FUNDC2: variants seen among roughly 807,000 people sequenced by gnomAD.
The protein encoded by FUNDC2 is FUN14 domain-containing protein 2.
FUNDC2 carries 4 observed loss-of-function variants against 15.6 expected under a neutral mutation model. That is an observed-to-expected ratio of 0.26 (90% confidence interval 0.13 to 0.59). The LOEUF (loss-of-function observed/expected upper bound fraction) is 0.59. Among genes scored for constraint, FUNDC2 ranks in the 20% least tolerant of loss-of-function variants. FUNDC2 has a pLI of 0.90. For synonymous variants in FUNDC2, 44 were observed against 56.9 expected (o/e 0.77, Z 1.02); for missense variants, 98 against 149.7 (o/e 0.65, Z 1.80).
In FUNDC2 at chrX:155,059,548, A is replaced by C. The variant is rs911101330; in HGVS notation, c.*4876A>C. 1.8e-5 allele frequency: 2 copies of C among 111,013 alleles called. No individual in the cohort carries two copies. Among genetic ancestry groups the C allele is most frequent in the Non-Finnish European group, 1.9e-5 (1 of 52,977 alleles). 9.1% of individuals were successfully genotyped at this position (111,013 alleles called of 1,213,427 possible). ...GTTACTCTTGGTCCCTAACAATAAG[A>C]AGCACTCAGTAAATGTTAAGCCTTC... On this transcript the variant is annotated 3_prime_UTR_variant, in exon 5 of 5. Coordinates refer to ENST00000369498, the MANE Select transcript of FUNDC2 (RefSeq NM_023934.4).
intron 2 of FUNDC2, among the ~76,000 whole-genome samples, chrX:155,042,525 G>T (rs2073851109): frequency 9.0e-6 from 1 of 110,597 alleles, no homozygotes; most frequent in African/African-American, 3.3e-5. Context: ...TGAGCTTTTT[G>T]GATCTGTGGG....
chrX:155,041,888 G>A (rs1183047253), intron 2 of FUNDC2, among the ~76,000 whole-genome samples: 1 of 107,857 alleles, frequency 9.3e-6, no homozygotes, highest in Non-Finnish European at 1.9e-5. Context: ...CTAACATGGT[G>A]AAACCCCGTC....
At chrX:155,049,632 G>T (rs1325866935) in intron 3 of FUNDC2, 2 of 111,805 alleles carry the variant, frequency 1.8e-5, no homozygotes, top group African/African-American at 6.5e-5. Context: ...AATCCTACTG[G>T]GATTTGTGAT....
At chrX:155,047,671 G>T (rs2073866953) in intron 3 of FUNDC2, among the ~76,000 whole-genome samples, 1 of 110,744 alleles carries the variant, frequency 9.0e-6, no homozygotes, top group South Asian at 3.8e-4. Context: ...GTCTGGACTT[G>T]TGGGGCCTCT....
chrX:155,054,775 T>C lies in FUNDC2; in HGVS notation c.*103T>C, dbSNP rs1211568977. The C allele has an allele frequency of 6.1e-5, 43 of 703,501 alleles. No homozygotes were observed. The Admixed American group carries it at 1.0e-3, about 17-fold the overall frequency. The allele number at this position is 703,501 out of a possible 1,213,427, so 58.0% of individuals were successfully genotyped here. On this transcript the variant is annotated 3_prime_UTR_variant, in exon 5 of 5. Coordinates refer to ENST00000369498, the MANE Select transcript of FUNDC2 (RefSeq NM_023934.4). ...CCTCCTCCTCTTCTCCCATGCCTTC[T>C]TCCCTGCCATGGCAAATCTGAGTGG...
Position 155,046,497 on chromosome X carries a change from T to C in FUNDC2, c.285-12T>C. Reference sequence around the variant, plus strand: ...GCTCATCAATTTGTCTGATGTTGGTTTGTTTTTGTAGGTGCACAGGTTTCA... The same window carrying C: ...GCTCATCAATTTGTCTGATGTTGGTCTGTTTTTGTAGGTGCACAGGTTTCA... On this transcript the variant is annotated splice_polypyrimidine_tract_variant and intron_variant, in intron 2 of 4. Coordinates refer to ENST00000369498, the MANE Select transcript of FUNDC2 (RefSeq NM_023934.4). 8.3e-7 allele frequency: 1 copy of C among 1,202,174 alleles called. No homozygotes were observed. Among genetic ancestry groups the C allele is most frequent in the South Asian group, 1.8e-5 (1 of 56,777 alleles).
chrX:155,053,267 A>C (rs782087901), intron 4 of FUNDC2, among the ~76,000 whole-genome samples: 15 of 112,483 alleles, frequency 1.3e-4, no homozygotes, highest in Non-Finnish European at 2.3e-4. Flanking sequence ...AGTTTGTTAT[A>C]AAGTAACCAG....
intron 3 of FUNDC2, chrX:155,047,451 C>A: frequency 2.9e-6 from 1 of 341,702 alleles, no homozygotes; most frequent in Non-Finnish European, 5.9e-6. Context: ...AGGTGAAAAT[C>A]AAATGTATCG....
chrX:155,043,272 C>T (rs1312697178), intron 2 of FUNDC2, among the ~76,000 whole-genome samples: 3 of 112,199 alleles, frequency 2.7e-5, no homozygotes, highest in Non-Finnish European at 5.6e-5. Flanking sequence ...AGCTTCCTTG[C>T]CTCTACTTAT....
intron 4 of FUNDC2, chrX:155,053,774 G>A: frequency 1.4e-6 from 1 of 738,968 alleles, no homozygotes; most frequent in Non-Finnish European, 1.6e-6. Context: ...TTCAAGAAAT[G>A]ATCAGGCCAG....
chrX:155,038,917 G>A (rs891566776), intron 2 of FUNDC2, among the ~76,000 whole-genome samples: 1 of 111,942 alleles, frequency 8.9e-6, no homozygotes, highest in Non-Finnish European at 1.9e-5. Context: ...ATTTATTGAG[G>A]AGTCTCCATA....
chrX:155,028,054 C>CTTATAGACTTTTATAAGAGCAGACTGCTT (rs2073800986), intron 1 of FUNDC2, among the ~76,000 whole-genome samples: 2 of 111,149 alleles, frequency 1.8e-5, no homozygotes, highest in African/African-American at 3.3e-5. Flanking sequence ...GCAGACTGCT[C>CTTATAGACTTTTATAAGAGCAGACTGCTT]TTATAGACTT....
rs1385859808 is a variant in FUNDC2 at position 155,026,944 on chromosome X, A to G, written c.6A>G (p.Glu2=). The change falls in exon 1 of 5, where the codon GAA becomes GAG. Residue 2 remains glutamate, a synonymous_variant. Transcript: ENST00000369498. M[E]TSAPRAGSQV... Reference sequence around the variant, plus strand: ...CTTCCGCTGCCGCCGTGGGAATGGAAACATCTGCCCCACGTGCCGGAAGCC... The same window carrying G: ...CTTCCGCTGCCGCCGTGGGAATGGAGACATCTGCCCCACGTGCCGGAAGCC... 3.4e-6 allele frequency: 4 copies of G among 1,191,443 alleles called. No homozygotes were observed. The highest frequency in any genetic ancestry group is 1.8e-5 in the South Asian group (1 of 54,844).
At chrX:155,027,219 C>T (rs1047781770) in intron 1 of FUNDC2, 148 bp downstream of exon 1, 6 of 588,075 alleles carry the variant, frequency 1.0e-5, no homozygotes, top group Non-Finnish European at 1.4e-5. Flanking sequence ...GGGGATCGCC[C>T]CTGGCTCAGC....
chrX:155,045,708 G>A (rs1422628063), intron 2 of FUNDC2, among the ~76,000 whole-genome samples: 6 of 111,298 alleles, frequency 5.4e-5, no homozygotes, highest in African/African-American at 1.6e-4. Context: ...TAGTTTTGCT[G>A]TAAAGGAGAG....
chrX:155,057,016 G>C lies in FUNDC2; in HGVS notation c.*2344G>C, dbSNP rs782726632. On this transcript the variant is annotated 3_prime_UTR_variant, in exon 5 of 5. Coordinates refer to ENST00000369498, the MANE Select transcript of FUNDC2 (RefSeq NM_023934.4). ...TACGACTGTGAGGGTCATGGTTGAG[G>C]TCAGTATTGCAGGTTGGCCTCATCC... 2 of 104,070 alleles carry C rather than the reference G, an allele frequency of 1.9e-5. No homozygotes were observed. Among genetic ancestry groups the C allele is most frequent in the Middle Eastern group, 4.9e-3 (1 of 206 alleles). 8.6% of individuals were successfully genotyped at this position (104,070 alleles called of 1,213,427 possible).
intron 3 of FUNDC2, chrX:155,046,934 C>A: frequency 4.6e-6 from 1 of 219,503 alleles, no homozygotes. Flanking sequence ...AATATTATAG[C>A]TAGCTTTCAC....
At chrX:155,053,433 G>C (rs192520694) in intron 4 of FUNDC2, among the ~76,000 whole-genome samples, 1 of 111,932 alleles carries the variant, frequency 8.9e-6, no homozygotes, top group Non-Finnish European at 1.9e-5. Context: ...TGGTGGGGTG[G>C]TGGAGTTGAA....
intron 2 of FUNDC2, 101 bp from the exon 3 acceptor site, chrX:155,046,408 A>G (rs1442142869): frequency 1.4e-6 from 1 of 703,639 alleles, no homozygotes; most frequent in Admixed American, 2.2e-5. Context: ...GGAAGGAGCT[A>G]GGTCATCTTA....
Sources: allele counts gnomAD v4.1 joint callset (sites outside exome capture counted in the v4.1 genomes callset), GRCh38; gene constraint gnomAD v4.1.1; transcripts MANE v1.5; gene names NCBI Gene and HGNC (gene_info 2026-07-23, HGNC 2026-07-21).